ACTL7B: variants seen among roughly 807,000 people sequenced by gnomAD.
ACTL7B encodes the protein actin like 7B, also known as actin-like protein 7B.
Under a neutral mutation model 17.5 loss-of-function variants are expected in ACTL7B, and 14 were observed. The ratio of observed to expected loss-of-function variants is 0.80; its 90% CI spans 0.53 to 1.25. The LOEUF is 1.25. Ranked by LOEUF, ACTL7B falls within the 50% of genes most tolerant of loss-of-function variation. ACTL7B has a pLI of 0.00. For synonymous variants in ACTL7B, 267 were observed against 252.4 expected, an observed-to-expected ratio of 1.06 and a Z score of -0.55; for missense variants, 599 against 573.9, an observed-to-expected ratio of 1.04 and a Z score of -0.45.
chr9:108,854,968 G>A lies in ACTL7B; in HGVS notation c.963C>T (p.Ala321=). 1 of 1,517,668 alleles carries A rather than the reference G, an allele frequency of 6.6e-7. No individual in the cohort carries two copies. The highest frequency in any genetic ancestry group is 8.8e-7 in the Non-Finnish European group (1 of 1,133,414). The allele number at this position is 1,517,668 out of a possible 1,614,324, so 94.0% of individuals were successfully genotyped here. A position where few individuals can be genotyped will look rare whatever the true frequency, so the allele number is the denominator to read the frequency against. The part of the protein sequence containing the change: ...TQPGLPELTA[A]CLGRCQDTGF... Reference sequence around the variant, plus strand: ...CCGTGTCCTGGCAGCGGCCCAGGCAGGCAGCTGTGAGCTCCGGGAGGCCCG... The same window carrying A: ...CCGTGTCCTGGCAGCGGCCCAGGCAAGCAGCTGTGAGCTCCGGGAGGCCCG... The change falls in exon 1 of 1, where the codon GCC becomes GCT. Residue 321 remains alanine (A), a synonymous_variant. Transcript: ENST00000374667.
chr9:108,855,333 C>A lies in ACTL7B; in HGVS notation c.598G>T (p.Gly200Trp). ...GGCACCACGTGCGAGACGCCGTGCC[C>A]GCTCTCCACCACCAGCCCCGAGGTC... Reference protein sequence around the residue: ...GKTSGLVVESGHGVSHVVPIS... With the variant: ...GKTSGLVVESWHGVSHVVPIS... The change falls in exon 1 of 1, where the codon GGG (glycine) becomes TGG (tryptophan). Residue 200 changes from glycine (G) to tryptophan (W), a missense_variant. Physicochemically the swap from Gly to Trp is radical, Grantham distance 184. Transcript: ENST00000374667. 1 of 1,607,606 alleles carries A rather than the reference C, an allele frequency of 6.2e-7. No individual in the cohort carries two copies. The highest frequency in any genetic ancestry group is 2.2e-5 in the East Asian group (1 of 44,872).
rs780429221 is a variant in ACTL7B, at chr9:108,854,689, C to T, written c.1242G>A (p.Lys414=). Residue 414 remains lysine, a synonymous_variant, in exon 1 of 1, where the codon AAG becomes AAA. Coordinates refer to ENST00000374667, the MANE Select transcript of ACTL7B (RefSeq NM_006686.4). ...EERGSVAIYS[K]C is the part of the protein sequence containing the mutation. ...TCTGTGGAAATGCCGAGGCTCAGCA[C>T]TTGCTGTAGATGGCCACGCTGCCCC... is the stretch of plus-strand genomic sequence containing the variant. 5 of 1,506,116 alleles carry T rather than the reference C, an allele frequency of 3.3e-6. No individual in the cohort carries two copies. Among genetic ancestry groups the T allele is most frequent in the Non-Finnish European group, 3.6e-6 (4 of 1,125,836 alleles). 93.3% of individuals were successfully genotyped at this position (1,506,116 alleles called of 1,614,324 possible).
rs756000873 is a variant in ACTL7B at position 108,855,220 on chromosome 9, G to A, written c.711C>T (p.Leu237=). The part of the protein sequence containing the change: ...GDLTNYLMQL[L]NEAGHAFTDD... ...CCGTGAATGCGTGGCCCGCCTCATT[G>A]AGCAGCTGCATCAGGTAGTTGGTGA... is the stretch of plus-strand genomic sequence containing the variant. The change falls in exon 1 of 1, where the codon CTC becomes CTT. Residue 237 remains leucine (L), a synonymous_variant. Coordinates refer to ENST00000374667, the MANE Select transcript of ACTL7B (RefSeq NM_006686.4). 5.6e-6 allele frequency: 9 copies of A among 1,596,546 alleles called. No homozygotes were observed. The highest frequency in any genetic ancestry group is 5.5e-5 in the South Asian group (5 of 90,544).
In ACTL7B at chr9:108,855,647, C is replaced by A; in HGVS notation, c.284G>T (p.Trp95Leu). 6.2e-7 allele frequency: 1 copy of A among 1,613,584 alleles called. No individual in the cohort carries two copies. The highest frequency in any genetic ancestry group is 8.5e-7 in the Non-Finnish European group (1 of 1,180,042). ...GAGCAGCTCATGGCCCACTAAAGTC[C>A]ACTTGCGGGTGTCGCCAGCGTCGGC... ...EAADAGDTRK[W>L]TLVGHELLNT... The change falls in exon 1 of 1, where the codon TGG becomes TTG. Residue 95 changes from tryptophan to leucine, a missense_variant. By Grantham distance (61) the Trp-to-Leu change is moderately conservative. Coordinates refer to ENST00000374667, the MANE Select transcript of ACTL7B (RefSeq NM_006686.4).
rs1215682553 is a variant in ACTL7B, at chr9:108,854,745, G to A, written c.1186C>T (p.Leu396Phe). ...ILASLQAFQQLWVSKEEFEER... is the reference protein window; with the variant it reads ...ILASLQAFQQFWVSKEEFEER... ...TCAAACTCTTCCTTGCTGACCCAGA[G>A]CTGTTGGAAGGCCTGCAGGGAGGCC... Residue 396 changes from leucine (L) to phenylalanine (F), a missense_variant, in exon 1 of 1, where the codon CTC (leucine) becomes TTC (phenylalanine). Leu to Phe is a conservative substitution (Grantham distance 22, BLOSUM62 0). Transcript: ENST00000374667. 1.9e-6 allele frequency: 3 copies of A among 1,562,900 alleles called. No homozygotes were observed.
In ACTL7B at chr9:108,855,376, G is replaced by A. The variant is rs748203619; in HGVS notation, c.555C>T (p.Ser185=). The change falls in exon 1 of 1, where the codon TCC becomes TCT. Residue 185 remains serine, a synonymous_variant. Transcript: ENST00000374667. The stretch of plus-strand genomic sequence containing the variant: ...CCGAGGTCTTGCCGTAGGAGTAGAT[G>A]GACAGCAACGACTGGGACGTCACGT... ...AMHVTSQSLL[S]IYSYGKTSGL... 6.2e-7 allele frequency: 1 copy of A among 1,612,724 alleles called. No homozygotes were observed. Among genetic ancestry groups the A allele is most frequent in the South Asian group, 1.1e-5 (1 of 91,086 alleles).
At position 108,855,261 on chromosome 9, in the gene ACTL7B, AGTC is replaced by A; in HGVS notation, c.667_669del (p.Asp223del). ...TAGTTGGTGAGGTCACCCCCAGCGT[AGTC>A]GGCGCGGCTGGTCAGGCCCGGCAGC... On this transcript the variant is annotated inframe_deletion, in exon 1 of 1. Coordinates refer to ENST00000374667, the MANE Select transcript of ACTL7B (RefSeq NM_006686.4). The A allele has an allele frequency of 6.3e-7, 1 of 1,596,616 alleles. No individual in the cohort carries two copies. The highest frequency in any genetic ancestry group is 1.1e-5 in the South Asian group (1 of 90,606).
chr9:108,855,375 T>G lies in ACTL7B; in HGVS notation c.556A>C (p.Ile186Leu). The G allele has an allele frequency of 6.2e-7, 1 of 1,612,766 alleles. No individual in the cohort carries two copies. Among genetic ancestry groups the G allele is most frequent in the Non-Finnish European group, 8.5e-7 (1 of 1,180,012 alleles). The change falls in exon 1 of 1, where the codon ATC becomes CTC. Residue 186 changes from isoleucine to leucine, a missense_variant. Transcript: ENST00000374667. Reference sequence around the variant, plus strand: ...CCCGAGGTCTTGCCGTAGGAGTAGATGGACAGCAACGACTGGGACGTCACG... The same window carrying G: ...CCCGAGGTCTTGCCGTAGGAGTAGAGGGACAGCAACGACTGGGACGTCACG... ...MHVTSQSLLS[I>L]YSYGKTSGLV...
chr9:108,854,778 A>C lies in ACTL7B; in HGVS notation c.1153T>G (p.Ser385Ala). ...AAGGCCTGCAGGGAGGCCAGGATGG[A>C]ACCGCCGGTCCACACGGAGGTCTTC... ...ERKTSVWTGG[S>A]ILASLQAFQQ... The change falls in exon 1 of 1, where the codon TCC becomes GCC. Residue 385 changes from serine (S) to alanine (A), a missense_variant. By Grantham distance (99) the Ser-to-Ala change is moderately conservative. Coordinates refer to ENST00000374667, the MANE Select transcript of ACTL7B (RefSeq NM_006686.4). 4 of 1,599,848 alleles carry C rather than the reference A, an allele frequency of 2.5e-6. No homozygotes were observed. Among genetic ancestry groups the C allele is most frequent in the Non-Finnish European group, 3.4e-6 (4 of 1,172,186 alleles).
rs1454883909 is a variant in ACTL7B at position 108,855,343 on chromosome 9, C to A, written c.588G>T (p.Val196=). 17 of 1,609,474 alleles carry A rather than the reference C, an allele frequency of 1.1e-5. No homozygotes were observed. The highest frequency in any genetic ancestry group is 1.4e-5 in the Non-Finnish European group (16 of 1,180,008). The part of the protein sequence containing the change: ...IYSYGKTSGL[V]VESGHGVSHV... ...GCGAGACGCCGTGCCCGCTCTCCAC[C>A]ACCAGCCCCGAGGTCTTGCCGTAGG... The change falls in exon 1 of 1, where the codon GTG becomes GTT. Residue 196 remains valine, a synonymous_variant. Coordinates refer to ENST00000374667, the MANE Select transcript of ACTL7B (RefSeq NM_006686.4).
At position 108,855,742 on chromosome 9, in the gene ACTL7B, G is replaced by C. The variant is rs770078766; in HGVS notation, c.189C>G (p.Cys63Trp). 2.2e-5 allele frequency: 36 copies of C among 1,608,752 alleles called. No homozygotes were observed. The highest frequency in any genetic ancestry group is 2.7e-5 in the Non-Finnish European group (32 of 1,179,944). The change falls in exon 1 of 1, where the codon TGC becomes TGG. Residue 63 changes from cysteine to tryptophan, a missense_variant. Transcript: ENST00000374667. Reference protein sequence around the residue: ...IIDLGSQYCKCGYAGEPRPTY... With the variant: ...IIDLGSQYCKWGYAGEPRPTY... ...TGGGCCTCGGCTCTCCCGCGTAGCC[G>C]CACTTGCAGTACTGGGAGCCCAGGT...
In ACTL7B at chr9:108,855,629, T is replaced by A; in HGVS notation, c.302A>T (p.Glu101Val). 6.2e-7 allele frequency: 1 copy of A among 1,613,736 alleles called. No individual in the cohort carries two copies. Among genetic ancestry groups the A allele is most frequent in the South Asian group, 1.1e-5 (1 of 91,088 alleles). ...GAGAGGCGCCTCCGTGTTGAGCAGC[T>A]CATGGCCCACTAAAGTCCACTTGCG... ...DTRKWTLVGH[E>V]LLNTEAPLKL... The change falls in exon 1 of 1, where the codon GAG becomes GTG. Residue 101 changes from glutamate (E) to valine (V), a missense_variant. Coordinates refer to ENST00000374667, the MANE Select transcript of ACTL7B (RefSeq NM_006686.4).
Position 108,855,696 on chromosome 9 carries a change from C to G in ACTL7B, c.235G>C (p.Val79Leu), listed in dbSNP as rs1827092400. 3.1e-6 allele frequency: 5 copies of G among 1,611,108 alleles called. No individual in the cohort carries two copies. The highest frequency in any genetic ancestry group is 3.4e-6 in the Non-Finnish European group (4 of 1,180,006). ...PRPTYFISST[V>L]GKRCPEAADA... is the part of the protein sequence containing the mutation. Reference sequence around the variant, plus strand: ...GCCGCCTCGGGGCAGCGTTTGCCCACGGTGGAGGAGATGAAGTAGGTGGGC... The same window carrying G: ...GCCGCCTCGGGGCAGCGTTTGCCCAGGGTGGAGGAGATGAAGTAGGTGGGC... Residue 79 changes from valine (V) to leucine (L), a missense_variant, in exon 1 of 1, where the codon GTG becomes CTG. Physicochemically the swap from Val to Leu is conservative, Grantham distance 32. Transcript: ENST00000374667.
At position 108,855,041 on chromosome 9, in the gene ACTL7B, C is replaced by G. The variant is rs924317030; in HGVS notation, c.890G>C (p.Arg297Pro). The G allele has an allele frequency of 6.5e-7, 1 of 1,530,122 alleles. No individual in the cohort carries two copies. The highest frequency in any genetic ancestry group is 1.4e-5 in the African/African-American group (1 of 72,584). 94.8% of individuals were successfully genotyped at this position (1,530,122 alleles called of 1,614,324 possible). A position where few individuals can be genotyped will look rare whatever the true frequency, so the allele number is the denominator to read the frequency against. Residue 297 changes from arginine (R) to proline (P), a missense_variant, in exon 1 of 1, where the codon CGT (arginine) becomes CCT (proline). Physicochemically the swap from Arg to Pro is moderately radical, Grantham distance 103 (BLOSUM62 -2). Transcript: ENST00000374667. ...GGGCTGGAAGAGCATCTCAGAGCAACGGAAGCGCTCCTGGCCAATAGTGAT... is the reference window on the plus strand; with the variant it reads ...GGGCTGGAAGAGCATCTCAGAGCAAGGGAAGCGCTCCTGGCCAATAGTGAT... The part of the protein sequence containing the change: ...KLITIGQERF[R>P]CSEMLFQPSL...
In ACTL7B at chr9:108,855,097, G is replaced by C. The variant is rs948419126; in HGVS notation, c.834C>G (p.Arg278=). The change falls in exon 1 of 1, where the codon CGC becomes CGG. Residue 278 remains arginine, a synonymous_variant. Transcript: ENST00000374667. ...TGCCGTCCGGGAGCTCGTAGTCCACGCGCAGCTCCTCCGGGACCAGGCCCA... is the reference window on the plus strand; with the variant it reads ...TGCCGTCCGGGAGCTCGTAGTCCACCCGCAGCTCCTCCGGGACCAGGCCCA... ...EELGLVPEEL[R]VDYELPDGKL... 18 of 1,596,202 alleles carry C rather than the reference G, an allele frequency of 1.1e-5. No homozygotes were observed. Among genetic ancestry groups the C allele is most frequent in the Admixed American group, 3.4e-5 (2 of 58,190 alleles).
At position 108,855,072 on chromosome 9, in the gene ACTL7B, T is replaced by G. The variant is rs761013641; in HGVS notation, c.859A>C (p.Lys287Gln). ...LRVDYELPDG[K>Q]LITIGQERFR... ...CGCTCCTGGCCAATAGTGATGAGTTTGCCGTCCGGGAGCTCGTAGTCCACG... is the reference window on the plus strand; with the variant it reads ...CGCTCCTGGCCAATAGTGATGAGTTGGCCGTCCGGGAGCTCGTAGTCCACG... Residue 287 changes from lysine to glutamine, a missense_variant, in exon 1 of 1, where the codon AAA becomes CAA. Physicochemically the swap from Lys to Gln is moderately conservative, Grantham distance 53 (BLOSUM62 1). Coordinates refer to ENST00000374667, the MANE Select transcript of ACTL7B (RefSeq NM_006686.4). 3.8e-6 allele frequency: 6 copies of G among 1,564,774 alleles called. No individual in the cohort carries two copies. Among genetic ancestry groups the G allele is most frequent in the Non-Finnish European group, 5.2e-6 (6 of 1,155,824 alleles).
Position 108,855,307 on chromosome 9 carries a change from G to A in ACTL7B, c.624C>T (p.Pro208=), listed in dbSNP as rs780301328. 1 of 1,603,062 alleles carries A rather than the reference G, an allele frequency of 6.2e-7. No individual in the cohort carries two copies. The highest frequency in any genetic ancestry group is 8.5e-7 in the Non-Finnish European group (1 of 1,179,858). The change falls in exon 1 of 1, where the codon CCC becomes CCT. Residue 208 remains proline, a synonymous_variant. Transcript: ENST00000374667. ...CCGGCAGCACGTCGCCCTCGGATATGGGCACCACGTGCGAGACGCCGTGCC... is the reference window on the plus strand; with the variant it reads ...CCGGCAGCACGTCGCCCTCGGATATAGGCACCACGTGCGAGACGCCGTGCC... ...ESGHGVSHVV[P]ISEGDVLPGL...
Position 108,854,871 on chromosome 9 carries a change from G to C in ACTL7B, c.1060C>G (p.Arg354Gly), listed in dbSNP as rs753089435. The C allele has an allele frequency of 1.3e-6, 2 of 1,536,146 alleles. No homozygotes were observed. Among genetic ancestry groups the C allele is most frequent in the Admixed American group, 2.1e-5 (1 of 47,750 alleles). The change falls in exon 1 of 1, where the codon CGC becomes GGC. Residue 354 changes from arginine (R) to glycine (G), a missense_variant. Arg to Gly is a moderately radical substitution (Grantham distance 125, BLOSUM62 -2). Coordinates refer to ENST00000374667, the MANE Select transcript of ACTL7B (RefSeq NM_006686.4). ...AGGAGGCTCAGCTCCCTCTGGAAGC[G>C]CTCGGGGAAGCCATCCAGCATAGTG... The part of the protein sequence containing the change: ...GCTMLDGFPE[R>G]FQRELSLLCP...
At position 108,855,200 on chromosome 9, in the gene ACTL7B, A is replaced by G. The variant is rs758138385; in HGVS notation, c.731T>C (p.Phe244Ser). The change falls in exon 1 of 1, where the codon TTC (phenylalanine) becomes TCC (serine). Residue 244 changes from phenylalanine (F) to serine (S), a missense_variant. Phe to Ser is a radical substitution (Grantham distance 155). Coordinates refer to ENST00000374667, the MANE Select transcript of ACTL7B (RefSeq NM_006686.4). ...MQLLNEAGHAFTDDHLHIIEH... is the reference protein window; with the variant it reads ...MQLLNEAGHASTDDHLHIIEH... ...TATGATGTGCAGGTGGTCGTCCGTG[A>G]ATGCGTGGCCCGCCTCATTGAGCAG... The G allele has an allele frequency of 1.9e-5, 31 of 1,600,628 alleles. No homozygotes were observed. The highest frequency in any genetic ancestry group is 1.0e-4 in the Admixed American group (6 of 59,846).
Sources: gnomAD v4.1 joint callset for allele counts on GRCh38, gnomAD v4.1.1 for gene constraint, MANE v1.5 for transcripts, NCBI Gene and HGNC (gene_info 2026-07-23, HGNC 2026-07-21) for gene names.